Variants in TMEM132B observed in about 807,000 individuals in gnomAD.
TMEM132B encodes the protein transmembrane protein 132B.
A neutral mutation model predicts 90.8 loss-of-function variants in TMEM132B; 18 were observed. The ratio of observed to expected loss-of-function variants is 0.20; its 90% confidence interval spans 0.14 to 0.29. The LOEUF (loss-of-function observed/expected upper bound fraction) is 0.29, where lower values mean the gene tolerates loss of function less well. TMEM132B is among the 10% of genes least tolerant of loss of function. The pLI, the probability that TMEM132B is intolerant of heterozygous loss-of-function variation, is 1.00. For synonymous variants in TMEM132B, 504 were observed against 523.3 expected, an observed-to-expected ratio of 0.96 and a Z score of 0.50; for missense variants, 1,096 against 1,326.8, an observed-to-expected ratio of 0.83 and a Z score of 2.70.
At chr12:125,640,921 G>C (rs550242553) in intron 5 of TMEM132B, among the ~76,000 whole-genome samples, 3 of 125,772 alleles carry the variant, frequency 2.4e-5, no homozygotes, top group South Asian at 5.1e-4. Flanking sequence ...TTGCTTGTAG[G>C]AGAAATAGAC....
chr12:125,522,746 G>T (rs934391427), intron 4 of TMEM132B, among the ~76,000 whole-genome samples: 1 of 152,202 alleles, frequency 6.6e-6, no homozygotes, highest in African/African-American at 2.4e-5. Flanking sequence ...GCTGGAGAAG[G>T]TCTGTGCATG....
At chr12:125,295,755 G>A (rs983519187) in intron 1 of TMEM132B, among the ~76,000 whole-genome samples, 4 of 152,070 alleles carry the variant, frequency 2.6e-5, no homozygotes, top group Admixed American at 6.5e-5. Context: ...ACTGTGCATC[G>A]GTGGCTGGGC....
At chr12:125,590,346 C>T (rs1483916387) in intron 5 of TMEM132B, among the ~76,000 whole-genome samples, 2 of 152,094 alleles carry the variant, frequency 1.3e-5, no homozygotes, top group African/African-American at 4.8e-5. Flanking sequence ...TATTCTTTTC[C>T]CAGTCCTAAG....
chr12:125,422,881 A>G (rs1593138409), intron 3 of TMEM132B, among the ~76,000 whole-genome samples: 1 of 152,212 alleles, frequency 6.6e-6, no homozygotes, highest in East Asian at 1.9e-4. Flanking sequence ...GAAGTGTGAA[A>G]GAATAAGTCT....
rs2137073958 is a variant in TMEM132B at position 125,660,867 on chromosome 12, C to A, written c.*6157C>A. On this transcript the variant is annotated 3_prime_UTR_variant, in exon 9 of 9. Coordinates refer to ENST00000682704, the MANE Select transcript of TMEM132B (RefSeq NM_001366854.1). ...GGAGTCTCTTTAGATGCTGCAGGAA[C>A]TGAGAGGATAGAAGACCTCTCTATA... 6.6e-6 allele frequency: 1 copy of A among 152,310 alleles called. No homozygotes were observed. Among genetic ancestry groups the A allele is most frequent in the East Asian group, 1.9e-4 (1 of 5,188 alleles). 9.4% of individuals were successfully genotyped at this position (152,310 alleles called of 1,614,324 possible).
At chr12:125,529,158 C>T (rs1256696173) in intron 4 of TMEM132B, among the ~76,000 whole-genome samples, 2 of 152,122 alleles carry the variant, frequency 1.3e-5, no homozygotes, top group African/African-American at 2.4e-5. Flanking sequence ...AATCACAGCT[C>T]ACTGCAGCCT....
In TMEM132B at chr12:125,659,959, C is replaced by T. The variant is rs1887166899; in HGVS notation, c.*5249C>T. 1 of 152,290 alleles carries T rather than the reference C, an allele frequency of 6.6e-6. No homozygotes were observed. Among genetic ancestry groups the T allele is most frequent in the South Asian group, 2.1e-4 (1 of 4,836 alleles). 9.4% of individuals were successfully genotyped at this position (152,290 alleles called of 1,614,324 possible). On this transcript the variant is annotated 3_prime_UTR_variant, in exon 9 of 9. Transcript: ENST00000682704. ...TAACAGCTTCCTCCTTGTCTTTTCC[C>T]TGGGAACATGGGAGCACTGACACAG... is the stretch of plus-strand genomic sequence containing the variant.
At chr12:125,318,326 T>G (rs1039760246) in intron 1 of TMEM132B, among the ~76,000 whole-genome samples, 3 of 151,990 alleles carry the variant, frequency 2.0e-5, no homozygotes, top group African/African-American at 7.3e-5. Context: ...TTCTTTTTTT[T>G]TTTTCAAACA....
chr12:125,227,397 A>T (rs896662222), intron 1 of TMEM132B, among the ~76,000 whole-genome samples: 1 of 152,192 alleles, frequency 6.6e-6, no homozygotes, highest in Non-Finnish European at 1.5e-5. Flanking sequence ...GAGCTTAGTC[A>T]AGGACACACA....
At chr12:125,641,754 G>A (rs1305571196) in intron 5 of TMEM132B, among the ~76,000 whole-genome samples, 1 of 151,730 alleles carries the variant, frequency 6.6e-6, no homozygotes, top group African/African-American at 2.4e-5. Flanking sequence ...TCCAAAACTG[G>A]TGTGTTCTCT....
intron 1 of TMEM132B, among the ~76,000 whole-genome samples, chr12:125,275,169 G>A (rs757827912): frequency 2.6e-5 from 4 of 152,076 alleles, no homozygotes; most frequent in South Asian, 4.1e-4. Context: ...CTCCTTCCAC[G>A]GAGCTCTGTG....
chr12:125,564,921 C>T (rs959100431), intron 4 of TMEM132B, among the ~76,000 whole-genome samples: 3 of 152,240 alleles, frequency 2.0e-5, no homozygotes, highest in African/African-American at 7.2e-5. Flanking sequence ...GACTGTGAAA[C>T]AATGTTGTGT....
intron 1 of TMEM132B, among the ~76,000 whole-genome samples, chr12:125,329,955 C>T (rs1040594255): frequency 8.5e-5 from 13 of 152,164 alleles, no homozygotes; most frequent in Non-Finnish European, 7.3e-5. Flanking sequence ...CTCAGGGTGA[C>T]GGAAGTGGAC....
At chr12:125,474,011 TTTCC>T (rs1011502063) in intron 3 of TMEM132B, among the ~76,000 whole-genome samples, 7 of 150,482 alleles carry the variant, frequency 4.7e-5, no homozygotes, top group African/African-American at 7.4e-5. Context: ...TGAGCTCACC[TTTCC>T]TTCCTTCCTT....
At chr12:125,404,833 G>A (rs987084879) in intron 2 of TMEM132B, among the ~76,000 whole-genome samples, 1 of 152,146 alleles carries the variant, frequency 6.6e-6, no homozygotes, top group African/African-American at 2.4e-5. Flanking sequence ...GGAATGCCCA[G>A]TGTTTCACTC....
At chr12:125,430,795 C>A (rs184498048) in intron 3 of TMEM132B, among the ~76,000 whole-genome samples, 1 of 152,124 alleles carries the variant, frequency 6.6e-6, no homozygotes, top group Non-Finnish European at 1.5e-5. Context: ...AAGGAATATG[C>A]AATTGTATGT....
chr12:125,579,477 T>G (rs1207454598), intron 4 of TMEM132B, among the ~76,000 whole-genome samples: 3 of 151,926 alleles, frequency 2.0e-5, no homozygotes, highest in Non-Finnish European at 4.4e-5. Context: ...TTCTCCTGCC[T>G]TAGCCTCCGA....
At chr12:125,314,181 G>A (rs369092493) in intron 1 of TMEM132B, among the ~76,000 whole-genome samples, 2 of 152,154 alleles carry the variant, frequency 1.3e-5, no homozygotes, top group East Asian at 1.9e-4. Flanking sequence ...GCTCCAATTC[G>A]AGGTGCAGGC....
At chr12:125,322,997 A>G (rs1876471024) in intron 1 of TMEM132B, among the ~76,000 whole-genome samples, 1 of 152,130 alleles carries the variant, frequency 6.6e-6, no homozygotes, top group Non-Finnish European at 1.5e-5. Context: ...TTAACACACA[A>G]TTTGTCTGGA....
Sources: allele counts gnomAD v4.1 joint callset (sites outside exome capture counted in the v4.1 genomes callset), GRCh38; gene constraint gnomAD v4.1.1; transcripts MANE v1.5; gene names NCBI Gene and HGNC (gene_info 2026-07-23, HGNC 2026-07-21).